The following GRID2 variants were observed in gnomAD, a reference collection of about 807,000 sequenced individuals.
GRID2 encodes glutamate ionotropic receptor delta type subunit 2, also known as glutamate receptor ionotropic, delta-2.
In GRID2, 33 loss-of-function variants were observed where a neutral mutation model predicts 114.8. The ratio of observed to expected loss-of-function variants is 0.29; its 90% CI spans 0.22 to 0.38. GRID2 has a LOEUF of 0.38. GRID2 is among the 10% of genes least tolerant of loss of function. The pLI is 1.00. For synonymous variants in GRID2, 505 were observed against 449.9 expected, an observed-to-expected ratio of 1.12 and a Z score of -1.55; for missense variants, 1,184 against 1,257.7, an observed-to-expected ratio of 0.94 and a Z score of 0.89.
At chr4:92,463,614 T>C (rs756929010) in intron 1 of GRID2, among the ~76,000 whole-genome samples, 1 of 152,010 alleles carries the variant, frequency 6.6e-6, no homozygotes, top group Non-Finnish European at 1.5e-5. Flanking sequence ...ACTGAAATTG[T>C]CAACAGTGAT....
chr4:92,507,581 A>T (rs1277928557), intron 1 of GRID2, among the ~76,000 whole-genome samples: 1 of 152,002 alleles, frequency 6.6e-6, no homozygotes, highest in African/African-American at 2.4e-5. Flanking sequence ...AATTTAAAAA[A>T]TAAAAAATCA....
rs532921366 is a variant in GRID2, at chr4:92,779,460, T to G, written c.244+189174T>G. On this transcript the variant is annotated intron_variant, in intron 2 of 15. Coordinates refer to ENST00000282020, the MANE Select transcript of GRID2 (RefSeq NM_001510.4). ...CAGATGTTAATAACAGCAATTTAAC[T>G]AAAAGAGCTTAAAGACAGATGAGTT... Among the ~76,000 whole-genome samples, 4 of 152,230 alleles carry G rather than the reference T, an allele frequency of 2.6e-5. 1 individual carries two copies. The South Asian group carries it at 8.3e-4, about 32-fold the overall frequency.
chr4:92,521,676 C>T (rs1426721192), intron 1 of GRID2, among the ~76,000 whole-genome samples: 1 of 151,862 alleles, frequency 6.6e-6, no homozygotes, highest in Non-Finnish European at 1.5e-5. Flanking sequence ...AAATGATAAA[C>T]CAGCATGATA....
At chr4:92,369,145 T>C (rs1231777167) in intron 1 of GRID2, among the ~76,000 whole-genome samples, 4 of 152,056 alleles carry the variant, frequency 2.6e-5, no homozygotes, top group Non-Finnish European at 5.9e-5. Context: ...ATATAGCTAA[T>C]GATAATAAAT....
At chr4:92,529,425 C>T (rs1421201355) in intron 1 of GRID2, among the ~76,000 whole-genome samples, 3 of 151,948 alleles carry the variant, frequency 2.0e-5, no homozygotes, top group Non-Finnish European at 2.9e-5. Context: ...TGAGAGAAGA[C>T]CTCATTGAAT....
intron 14 of GRID2, among the ~76,000 whole-genome samples, chr4:93,689,664 T>G (rs937601442): frequency 6.6e-6 from 1 of 151,694 alleles, no homozygotes; most frequent in Admixed American, 6.6e-5. Context: ...GACTCAAGCA[T>G]TGGTAACAAA....
intron 14 of GRID2, among the ~76,000 whole-genome samples, chr4:93,666,697 C>G (rs1051595573): frequency 6.6e-6 from 1 of 151,976 alleles, no homozygotes; most frequent in African/African-American, 2.4e-5. Context: ...CTTTCAGTCA[C>G]TTATATCCTC....
intron 2 of GRID2, among the ~76,000 whole-genome samples, chr4:92,765,272 G>C (rs977414257): frequency 1.3e-5 from 2 of 152,034 alleles, no homozygotes; most frequent in African/African-American, 4.8e-5. Flanking sequence ...GAATGTTACA[G>C]AACACATGGA....
At chr4:92,869,755 C>G (rs1407603428) in intron 2 of GRID2, among the ~76,000 whole-genome samples, 2 of 152,200 alleles carry the variant, frequency 1.3e-5, no homozygotes, top group African/African-American at 4.8e-5. Flanking sequence ...AGCAATTTCT[C>G]TCCCTATAAT....
intron 4 of GRID2, among the ~76,000 whole-genome samples, chr4:93,171,354 G>T (rs1256948704): frequency 6.6e-6 from 1 of 152,030 alleles, no homozygotes; most frequent in Non-Finnish European, 1.5e-5. Flanking sequence ...CCAACTCTTT[G>T]TTTAAACATT....
In GRID2 at chr4:93,026,311, A is replaced by G. The variant is rs529787819; in HGVS notation, c.245-58684A>G. ...GCTCATTATAAAATATTTATAGGGC[A>G]TATTTGGCCTCACACAATACTCTTA... On this transcript the variant is annotated intron_variant, in intron 2 of 15. Transcript: ENST00000282020. 1.4e-4 allele frequency among the ~76,000 whole-genome samples: 21 copies of G among 151,940 alleles called. No individual in the cohort carries two copies. In the South Asian group the frequency reaches 3.9e-3, roughly 28 times the overall value.
In GRID2 at chr4:93,455,908, G is replaced by A. The variant is rs1723144787; in HGVS notation, c.1792G>A (p.Gly598Arg). The A allele has an allele frequency of 1.9e-6, 3 of 1,611,460 alleles. No individual in the cohort carries two copies. The highest frequency in any genetic ancestry group is 2.7e-5 in the African/African-American group (2 of 74,794). The change falls in exon 11 of 16, where the codon GGA becomes AGA. Residue 598 changes from glycine (G) to arginine (R), a missense_variant. Gly to Arg is a moderately radical substitution (Grantham distance 125, BLOSUM62 -2). This residue lies in a region of GRID2 where 717 missense variants were observed against 796.9 expected (regional missense o/e 0.90). Coordinates refer to ENST00000282020, the MANE Select transcript of GRID2 (RefSeq NM_001510.4). ...NWLNPPRLQM[G>R]SMTSTTLYNS... is the part of the protein sequence containing the mutation. ...GCTTAATCCCCCACGATTACAAATGGGATCAATGACGTCTACTACTCTCTA... is the reference window on the plus strand; with the variant it reads ...GCTTAATCCCCCACGATTACAAATGAGATCAATGACGTCTACTACTCTCTA...
rs1750960023 is a variant in GRID2, at chr4:92,939,795, T to C, written c.245-145200T>C. Among the ~76,000 whole-genome samples, 2 of 147,506 alleles carry C rather than the reference T, an allele frequency of 1.4e-5. 1 individual carries two copies. The highest frequency in any genetic ancestry group is 1.5e-4 in the Admixed American group (2 of 13,768). On this transcript the variant is annotated intron_variant, in intron 2 of 15. Coordinates refer to ENST00000282020, the MANE Select transcript of GRID2 (RefSeq NM_001510.4). ...AGCTTTCTACATATGGCTAGCCAGTTTTCCCAGCACCATTAATTAAATAGG... is the reference window on the plus strand; with the variant it reads ...AGCTTTCTACATATGGCTAGCCAGTCTTCCCAGCACCATTAATTAAATAGG...
intron 2 of GRID2, among the ~76,000 whole-genome samples, chr4:92,838,384 T>G (rs912955624): frequency 6.6e-6 from 1 of 152,104 alleles, no homozygotes; most frequent in Admixed American, 6.6e-5. Context: ...AACATCTTTT[T>G]TATGATAATA....
chr4:92,635,059 G>A (rs185277521), intron 2 of GRID2, among the ~76,000 whole-genome samples: 7 of 152,178 alleles, frequency 4.6e-5, no homozygotes, highest in Admixed American at 2.0e-4. Flanking sequence ...ATTTTGTGAC[G>A]TAGAGAAATA....
intron 2 of GRID2, among the ~76,000 whole-genome samples, chr4:92,799,574 C>G (rs895525970): frequency 1.3e-5 from 2 of 151,960 alleles, no homozygotes; most frequent in Non-Finnish European, 2.9e-5. Context: ...TCTTCGTGTG[C>G]ACATCCCTAG....
intron 2 of GRID2, among the ~76,000 whole-genome samples, chr4:93,082,998 T>C (rs1730005942): frequency 6.6e-6 from 1 of 152,160 alleles, no homozygotes; most frequent in African/African-American, 2.4e-5. Context: ...CAGAATATAA[T>C]ATTGAAAGTA....
At position 92,304,371 on chromosome 4, in the gene GRID2, G is replaced by A; in HGVS notation, c.-286G>A. ...TCTCCCCCTGCCCAAGAGCAGTAGAGGCTGGATATATTTTTCAAAAGCCAA... is the reference window on the plus strand; with the variant it reads ...TCTCCCCCTGCCCAAGAGCAGTAGAAGCTGGATATATTTTTCAAAAGCCAA... On this transcript the variant is annotated 5_prime_UTR_variant, in exon 1 of 16. Transcript: ENST00000282020. The A allele has an allele frequency of 2.1e-6, 1 of 466,266 alleles. No individual in the cohort carries two copies. Among genetic ancestry groups the A allele is most frequent in the South Asian group, 2.1e-5 (1 of 46,554 alleles). 28.9% of individuals were successfully genotyped at this position (466,266 alleles called of 1,614,324 possible).
intron 14 of GRID2, among the ~76,000 whole-genome samples, chr4:93,733,407 A>G (rs952644126): frequency 6.6e-6 from 1 of 152,166 alleles, no homozygotes; most frequent in Non-Finnish European, 1.5e-5. Context: ...GATCAAAACT[A>G]GTTTCTAACA....
Sources: gnomAD v4.1 joint callset for allele counts (sites outside exome capture counted in the v4.1 genomes callset) on GRCh38, gnomAD v4.1.1 for gene constraint, gnomAD v4.1.1 regional missense constraint, MANE v1.5 for transcripts, NCBI Gene and HGNC (gene_info 2026-07-23, HGNC 2026-07-21) for gene names.